The following XYLT1 variants were observed in gnomAD, a reference collection of about 807,000 sequenced individuals.
XYLT1 encodes the protein beta-D-xylosyltransferase 1.
A neutral mutation model predicts 91.3 loss-of-function variants in XYLT1; 36 were observed. That is an observed-to-expected ratio of 0.39 (90% CI 0.30 to 0.52). The LOEUF is 0.52. Among genes scored for constraint, XYLT1 ranks in the 20% least tolerant of loss-of-function variants. XYLT1 has a pLI of 0.68. For missense variants in XYLT1, 1,242 were observed against 1,284.5 expected (o/e 0.97, Z 0.51); for synonymous variants, 588 against 532.0 (o/e 1.11, Z -1.45).
chr16:17,341,333 T>C (rs2035061022), intron 2 of XYLT1, among the ~76,000 whole-genome samples: 1 of 152,174 alleles, frequency 6.6e-6, no homozygotes, highest in South Asian at 2.1e-4. Flanking sequence ...CCAGAGACTG[T>C]GACAGGTGCT....
rs1407059608 is a variant in XYLT1 at position 17,101,946 on chromosome 16, A to G, written c.*6749T>C. On this transcript the variant is annotated 3_prime_UTR_variant, in exon 12 of 12. Transcript: ENST00000261381. ...AAACACGTTTGCCAACCAACCAACC[A>G]GTTGGGTATAGGAAACTGCAACTTT... 1 of 152,222 alleles carries G rather than the reference A, an allele frequency of 6.6e-6. No individual in the cohort carries two copies. The highest frequency in any genetic ancestry group is 1.5e-5 in the Non-Finnish European group (1 of 68,044). The allele number at this position is 152,222 out of a possible 1,614,324, so 9.4% of individuals were successfully genotyped here.
chr16:17,411,490 T>C (rs1253133457), intron 1 of XYLT1, among the ~76,000 whole-genome samples: 1 of 152,218 alleles, frequency 6.6e-6, no homozygotes. Flanking sequence ...GCTTAGACGG[T>C]ATTCTCTGTC....
intron 5 of XYLT1, among the ~76,000 whole-genome samples, chr16:17,178,476 G>A (rs1036155905): frequency 2.6e-5 from 4 of 152,260 alleles, no homozygotes; most frequent in African/African-American, 7.2e-5. Flanking sequence ...CTAAGATAGT[G>A]AAGCAAAGGC....
intron 6 of XYLT1, 22 bp downstream of exon 6, chr16:17,158,807 G>C (rs1388045613): frequency 1.2e-6 from 2 of 1,612,106 alleles, no homozygotes; most frequent in Non-Finnish European, 1.7e-6. Context: ...ATTTTGTACA[G>C]GGGTAGGGGT....
chr16:17,454,197 T>C (rs1313839671), intron 1 of XYLT1, among the ~76,000 whole-genome samples: 1 of 152,264 alleles, frequency 6.6e-6, no homozygotes, highest in Non-Finnish European at 1.5e-5. Context: ...TTGCATATGT[T>C]TGCCGAAAGA....
At chr16:17,199,497 A>AGTGATATGGTTTGGTT (rs1383642093) in intron 4 of XYLT1, among the ~76,000 whole-genome samples, 1 of 152,206 alleles carries the variant, frequency 6.6e-6, no homozygotes, top group Non-Finnish European at 1.5e-5. Context: ...CTCCTGGGAT[A>AGTGATATGGTTTGGTT]GTGATATGGT....
chr16:17,132,056 T>C (rs1396228915), intron 9 of XYLT1, among the ~76,000 whole-genome samples: 2 of 152,128 alleles, frequency 1.3e-5, no homozygotes, highest in African/African-American at 4.8e-5. Flanking sequence ...CCTAGATAAA[T>C]TGGGGGTGTC....
In XYLT1 at chr16:17,115,772, C is replaced by G. The variant is rs564137079; in HGVS notation, c.2557+1874G>C. On this transcript the variant is annotated intron_variant, in intron 11 of 11. Transcript: ENST00000261381. Reference sequence around the variant, plus strand: ...AAGTGCTGGGATTACACGTGTAAACCATGGCACCCAGCCAACCTCTGTTAT... The same window carrying G: ...AAGTGCTGGGATTACACGTGTAAACGATGGCACCCAGCCAACCTCTGTTAT... Among the ~76,000 whole-genome samples the G allele has an allele frequency of 4.0e-5, 5 of 126,444 alleles. No individual in the cohort carries two copies. In the Admixed American group the frequency reaches 5.0e-4, roughly 13 times the overall value. The allele number at this position is 126,444 out of a possible 152,430, so 83.0% of individuals were successfully genotyped here.
At chr16:17,417,813 C>T (rs2036198946) in intron 1 of XYLT1, among the ~76,000 whole-genome samples, 1 of 152,192 alleles carries the variant, frequency 6.6e-6, no homozygotes, top group African/African-American at 2.4e-5. Context: ...TGATAACATA[C>T]ATACCTTTGC....
chr16:17,133,196 ACCTTGCTGGCCAG>A (rs1201439517), intron 9 of XYLT1, among the ~76,000 whole-genome samples: 44 of 152,086 alleles, frequency 2.9e-4, no homozygotes, highest in Non-Finnish European at 1.5e-4. Flanking sequence ...CCCTGCGGAA[ACCTTGCTGGCCAG>A]GGATGAGACA....
At chr16:17,217,957 TAAA>T (rs10712419) in intron 3 of XYLT1, among the ~76,000 whole-genome samples, 5 of 145,000 alleles carry the variant, frequency 3.4e-5, no homozygotes, top group Non-Finnish European at 4.5e-5. Context: ...ATAATAATAA[TAAA>T]AAAAAAAAAA....
chr16:17,198,474 C>T, intron 4 of XYLT1, 60 bp from the exon 5 acceptor site: 9 of 1,522,292 alleles, frequency 5.9e-6, no homozygotes, highest in Non-Finnish European at 8.0e-6. Context: ...CCAGGCATGC[C>T]CCTCACCCCT....
chr16:17,335,282 T>C (rs1257870298), intron 2 of XYLT1, among the ~76,000 whole-genome samples: 2 of 150,438 alleles, frequency 1.3e-5, no homozygotes, highest in African/African-American at 4.9e-5. Flanking sequence ...GGAACAAGGG[T>C]TAACCAACAT....
chr16:17,258,930 G>T, intron 3 of XYLT1, 58 bp downstream of exon 3: 1 of 1,465,096 alleles, frequency 6.8e-7, no homozygotes, highest in Non-Finnish European at 9.0e-7. Context: ...AATGGGGCTG[G>T]GCAGGAGGAG....
chr16:17,200,453 A>G (rs2032517964), intron 4 of XYLT1, 29 bp downstream of exon 4: 1 of 1,601,350 alleles, frequency 6.2e-7, no homozygotes, highest in Admixed American at 1.7e-5. Flanking sequence ...AAGAAAGCCC[A>G]GCAAGGGGTG....
At chr16:17,357,357 C>G (rs770702378) in intron 2 of XYLT1, among the ~76,000 whole-genome samples, 1 of 152,004 alleles carries the variant, frequency 6.6e-6, no homozygotes, top group Non-Finnish European at 1.5e-5. Flanking sequence ...ATGAACACTG[C>G]AGGGCTAGAA....
intron 5 of XYLT1, among the ~76,000 whole-genome samples, chr16:17,189,161 T>C (rs1297002470): frequency 6.6e-6 from 1 of 152,170 alleles, no homozygotes; most frequent in African/African-American, 2.4e-5. Context: ...CCCAAGATTG[T>C]CATCAGAAGG....
chr16:17,260,916 G>A (rs773840230), intron 2 of XYLT1, among the ~76,000 whole-genome samples: 2 of 152,066 alleles, frequency 1.3e-5, no homozygotes, highest in South Asian at 2.1e-4. Context: ...ATCCATATAC[G>A]ACTTAGTGAT....
chr16:17,361,109 GTTTGCCCATTTGACTGC>G (rs1251238312), intron 1 of XYLT1, among the ~76,000 whole-genome samples: 4 of 152,116 alleles, frequency 2.6e-5, no homozygotes, highest in Non-Finnish European at 5.9e-5. Context: ...TTAAGCTTGG[GTTTGCCCATTTGACTGC>G]TTTGCCCAAT....
Sources: allele counts gnomAD v4.1 joint callset (sites outside exome capture counted in the v4.1 genomes callset), GRCh38; gene constraint gnomAD v4.1.1; transcripts MANE v1.5; gene names NCBI Gene and HGNC (gene_info 2026-07-23, HGNC 2026-07-21).